Variants in PSMD4 observed in about 807,000 individuals in gnomAD.
The protein encoded by PSMD4 is proteasome 26S subunit ubiquitin receptor, non-ATPase 4, also known as 26S proteasome non-ATPase regulatory subunit 4.
PSMD4 carries 5 observed loss-of-function variants against 39.7 expected under a neutral mutation model. The ratio of observed to expected loss-of-function variants is 0.13; its 90% CI spans 0.07 to 0.26. The LOEUF (loss-of-function observed/expected upper bound fraction) is 0.26, where lower values mean the gene tolerates loss of function less well. PSMD4 is among the 10% of genes least tolerant of loss of function. The probability of loss-of-function intolerance (pLI) is 1.00; values close to 1 mark genes in which losing one functional copy is unlikely to be tolerated. For missense variants in PSMD4, 272 were observed against 486.1 expected, an observed-to-expected ratio of 0.56 and a Z score of 4.14; for synonymous variants, 143 against 174.6, an observed-to-expected ratio of 0.82 and a Z score of 1.43.
chr1:151,257,010 A>G (rs920395401), intron 1 of PSMD4, among the ~76,000 whole-genome samples: 1 of 151,880 alleles, frequency 6.6e-6, no homozygotes, highest in Non-Finnish European at 1.5e-5. Context: ...CAGCCTCCCA[A>G]AGTGCTGGCA....
intron 1 of PSMD4, chr1:151,259,247 C>G (rs1009956618): frequency 6.6e-6 from 1 of 152,208 alleles, no homozygotes; most frequent in East Asian, 1.9e-4. Context: ...TCTGAAATGG[C>G]TAGGACCATA....
chr1:151,264,426 C>A (rs763325265), intron 3 of PSMD4, among the ~76,000 whole-genome samples: 1 of 151,502 alleles, frequency 6.6e-6, no homozygotes, highest in Non-Finnish European at 1.5e-5. Flanking sequence ...GATCACCTGA[C>A]GTCACGAGTT....
At chr1:151,261,204 C>G (rs587720563) in intron 1 of PSMD4, among the ~76,000 whole-genome samples, 2 of 102,592 alleles carry the variant, frequency 1.9e-5, no homozygotes, top group African/African-American at 7.8e-5. Flanking sequence ...TTTTTTGAGA[C>G]GAAGTTTTGC....
chr1:151,266,985 A>G lies in PSMD4; in HGVS notation c.964-188A>G, dbSNP rs926968073. On this transcript the variant is annotated intron_variant, in intron 9 of 9. Coordinates refer to ENST00000368884, the MANE Select transcript of PSMD4 (RefSeq NM_002810.4). Reference sequence around the variant, plus strand: ...CAGCAGGCCCCTCTATTTGGTTAGTAATAACTGCATTCATGCTGTATAAAG... The same window carrying G: ...CAGCAGGCCCCTCTATTTGGTTAGTGATAACTGCATTCATGCTGTATAAAG... 1.2e-5 allele frequency: 9 copies of G among 760,210 alleles called. No homozygotes were observed. In the African/African-American group the frequency reaches 1.2e-4, roughly 10 times the overall value. 47.1% of individuals were successfully genotyped at this position (760,210 alleles called of 1,614,324 possible). A position where few individuals can be genotyped will look rare whatever the true frequency, so the allele number is the denominator to read the frequency against.
At chr1:151,260,803 C>G (rs1244823692) in intron 1 of PSMD4, among the ~76,000 whole-genome samples, 7 of 151,748 alleles carry the variant, frequency 4.6e-5, no homozygotes, top group African/African-American at 1.7e-4. Context: ...CCCCAAAGTG[C>G]TGGGATTACA....
In PSMD4 at chr1:151,266,452, C is replaced by T; in HGVS notation, c.895+13C>T. The T allele has an allele frequency of 1.2e-6, 2 of 1,614,192 alleles. No homozygotes were observed. Among genetic ancestry groups the T allele is most frequent in the South Asian group, 1.1e-5 (1 of 91,088 alleles). On this transcript the variant is annotated intron_variant, in intron 8 of 9. Coordinates refer to ENST00000368884, the MANE Select transcript of PSMD4 (RefSeq NM_002810.4). Reference sequence around the variant, plus strand: ...CTGCAGGGAGCAGGTGAGCCAGAGCCTGGGTGGTGCCTAGGCAGAGGTTGG... The same window carrying T: ...CTGCAGGGAGCAGGTGAGCCAGAGCTTGGGTGGTGCCTAGGCAGAGGTTGG...
chr1:151,257,372 T>G (rs1693199819), intron 1 of PSMD4, among the ~76,000 whole-genome samples: 1 of 152,192 alleles, frequency 6.6e-6, no homozygotes, highest in Non-Finnish European at 1.5e-5. Flanking sequence ...TTGGGTAAAG[T>G]TGCCTCCAGC....
chr1:151,265,275 C>A, intron 5 of PSMD4, 41 bp downstream of exon 5: 2 of 1,601,068 alleles, frequency 1.2e-6, no homozygotes, highest in South Asian at 1.1e-5. Flanking sequence ...TTAATTTGGT[C>A]ATAAACAGAA....
intron 1 of PSMD4, among the ~76,000 whole-genome samples, chr1:151,258,361 A>G (rs889896079): frequency 6.6e-6 from 1 of 151,350 alleles, no homozygotes; most frequent in Non-Finnish European, 1.5e-5. Context: ...CAGTATGCAC[A>G]TAGTTCTTGG....
chr1:151,264,904 G>A lies in PSMD4; in HGVS notation c.355G>A (p.Asp119Asn). 4 of 1,612,606 alleles carry A rather than the reference G, an allele frequency of 2.5e-6. No homozygotes were observed. The highest frequency in any genetic ancestry group is 3.4e-6 in the Non-Finnish European group (4 of 1,179,022). Residue 119 changes from aspartate to asparagine, a missense_variant, in exon 4 of 10, where the codon GAC (aspartate) becomes AAC (asparagine). This residue lies in a region of PSMD4 where 153 missense variants were observed against 257.6 expected (regional missense o/e 0.59). Transcript: ENST00000368884. The part of the protein sequence containing the change: ...IIAFVGSPVE[D>N]NEKDLVKLAK... Reference sequence around the variant, plus strand: ...TGCCTTTGTGGGAAGCCCAGTGGAGGACAATGAGAAGGATGTGAGTCCAAG... The same window carrying A: ...TGCCTTTGTGGGAAGCCCAGTGGAGAACAATGAGAAGGATGTGAGTCCAAG...
chr1:151,255,293 C>T (rs1693137573), intron 1 of PSMD4, among the ~76,000 whole-genome samples: 1 of 152,170 alleles, frequency 6.6e-6, no homozygotes. Flanking sequence ...TTTTGTTTAT[C>T]TCACTTATAC....
At chr1:151,265,690 A>G in intron 6 of PSMD4, 81 bp downstream of exon 6, 1 of 1,436,982 alleles carries the variant, frequency 7.0e-7, no homozygotes, top group Admixed American at 1.8e-5. Flanking sequence ...AGCTTCTATC[A>G]GGCTGGATAG....
At chr1:151,256,717 G>A (rs1263905482) in intron 1 of PSMD4, among the ~76,000 whole-genome samples, 3 of 146,936 alleles carry the variant, frequency 2.0e-5, no homozygotes, top group African/African-American at 7.6e-5. Context: ...GATTACAGGC[G>A]TTGAGCCACT....
intron 2 of PSMD4, chr1:151,263,698 G>A (rs1175910174): frequency 3.2e-6 from 1 of 314,002 alleles, no homozygotes; most frequent in Non-Finnish European, 6.0e-6. Context: ...AGGCGTGGTA[G>A]TGGGTGCCCG....
intron 1 of PSMD4, among the ~76,000 whole-genome samples, chr1:151,259,424 C>G (rs1693266006): frequency 6.6e-6 from 1 of 152,208 alleles, no homozygotes; most frequent in African/African-American, 2.4e-5. Flanking sequence ...CATTTCGGAT[C>G]TCAAGAGTTT....
At chr1:151,262,096 T>C in intron 1 of PSMD4, 65 bp from the exon 2 acceptor site, 2 of 1,587,212 alleles carry the variant, frequency 1.3e-6, no homozygotes, top group Non-Finnish European at 1.7e-6. Flanking sequence ...CCTCTGGAAC[T>C]GGAGAGAAGG....
In PSMD4 at chr1:151,258,534, C is replaced by A. The variant is rs780722642; in HGVS notation, c.27-3627C>A. ...GGAGTGCAGTAGTGTGATCTTGGCT[C>A]ACTGCAGCCTCGACCTCCGGGGCTC... is the stretch of plus-strand genomic sequence containing the variant. On this transcript the variant is annotated intron_variant, in intron 1 of 9. Coordinates refer to ENST00000368884, the MANE Select transcript of PSMD4 (RefSeq NM_002810.4). Among the ~76,000 whole-genome samples, 2 of 144,924 alleles carry A rather than the reference C, an allele frequency of 1.4e-5. 1 individual carries two copies. Among genetic ancestry groups the A allele is most frequent in the Middle Eastern group, 7.3e-3 (2 of 274 alleles).
Position 151,265,993 on chromosome 1 carries a change from C to T in PSMD4, c.655-11C>T, listed in dbSNP as rs1307986076. On this transcript the variant is annotated splice_polypyrimidine_tract_variant and intron_variant, in intron 6 of 9. Transcript: ENST00000368884. ...GCAGGGGAGCCCTGATTATGCCCTG[C>T]CCTTCACCAGGCCCTTCGTGTATCT... is the stretch of plus-strand genomic sequence containing the variant. 1 of 1,575,042 alleles carries T rather than the reference C, an allele frequency of 6.3e-7. No individual in the cohort carries two copies. The highest frequency in any genetic ancestry group is 1.2e-5 in the South Asian group (1 of 85,212).
At chr1:151,260,199 CAAA>C (rs750229890) in intron 1 of PSMD4, among the ~76,000 whole-genome samples, 1 of 121,580 alleles carries the variant, frequency 8.2e-6, no homozygotes, top group African/African-American at 3.1e-5. Flanking sequence ...AACTCTGTCT[CAAA>C]AAAAAAAAAA....
Sources: gnomAD v4.1 joint callset for allele counts (sites outside exome capture counted in the v4.1 genomes callset) on GRCh38, gnomAD v4.1.1 for gene constraint, gnomAD v4.1.1 regional missense constraint, MANE v1.5 for transcripts, NCBI Gene and HGNC (gene_info 2026-07-23, HGNC 2026-07-21) for gene names.